Variants in EYS observed in about 807,000 individuals in gnomAD.
EYS encodes the protein protein eyes shut homolog.
In EYS, 250 loss-of-function variants were observed where a neutral mutation model predicts 282.1. That is an observed-to-expected ratio of 0.89 (90% CI 0.80 to 0.98). EYS has a LOEUF of 0.98. EYS is among the 50% of genes least tolerant of loss of function. The pLI is 0.00. For synonymous variants in EYS, 1,355 were observed against 1,282.9 expected, an observed-to-expected ratio of 1.06 and a Z score of -1.20; for missense variants, 4,016 against 3,709.0, an observed-to-expected ratio of 1.08 and a Z score of -2.15.
At chr6:65,016,814 T>C (rs1001353627) in intron 13 of EYS, among the ~76,000 whole-genome samples, 3 of 152,208 alleles carry the variant, frequency 2.0e-5, no homozygotes, top group African/African-American at 7.2e-5. Flanking sequence ...TATATTTTCA[T>C]AAAACTCATT....
At chr6:63,840,887 A>G (rs1044215411) in intron 36 of EYS, among the ~76,000 whole-genome samples, 21 of 152,146 alleles carry the variant, frequency 1.4e-4, no homozygotes, top group Non-Finnish European at 2.9e-5. Flanking sequence ...ATTCTGTTCC[A>G]TTAGTCAATG....
intron 13 of EYS, among the ~76,000 whole-genome samples, chr6:64,999,172 A>C (rs530191799): frequency 6.6e-6 from 1 of 152,378 alleles, no homozygotes; most frequent in African/African-American, 2.4e-5. Context: ...AAGTGCCAGA[A>C]GAGAACCTAG....
chr6:64,443,897 T>A (rs1312988870), intron 26 of EYS, among the ~76,000 whole-genome samples: 3 of 152,170 alleles, frequency 2.0e-5, no homozygotes, highest in Admixed American at 1.3e-4. Flanking sequence ...AATGGACTAA[T>A]AGAGTCATTA....
chr6:65,101,405 T>C (rs2150183435), intron 12 of EYS, among the ~76,000 whole-genome samples: 1 of 151,328 alleles, frequency 6.6e-6, no homozygotes, highest in Admixed American at 6.6e-5. Context: ...AATAAAGTGG[T>C]CCTTCTTCAT....
chr6:64,381,779 C>T (rs77201171), intron 29 of EYS, among the ~76,000 whole-genome samples: 23 of 152,242 alleles, frequency 1.5e-4, no homozygotes, highest in African/African-American at 5.5e-4. Context: ...TTTAGAAAAA[C>T]TATATATGTA....
intron 29 of EYS, among the ~76,000 whole-genome samples, chr6:64,381,095 A>G (rs1772733587): frequency 6.6e-6 from 1 of 152,132 alleles, no homozygotes; most frequent in African/African-American, 2.4e-5. Context: ...ACAAATATAT[A>G]ATGGATATGA....
At chr6:65,508,889 C>G (rs1766760084) in intron 2 of EYS, among the ~76,000 whole-genome samples, 1 of 152,088 alleles carries the variant, frequency 6.6e-6, no homozygotes, top group Admixed American at 6.5e-5. Flanking sequence ...CTGGATCCCA[C>G]AGAATCATTC....
intron 26 of EYS, among the ~76,000 whole-genome samples, chr6:64,513,043 C>T (rs1425598511): frequency 6.6e-6 from 1 of 151,486 alleles, no homozygotes; most frequent in African/African-American, 2.4e-5. Flanking sequence ...AGGATTGACC[C>T]AAGTATCCAA....
chr6:63,969,671 C>T (rs1265933160), intron 35 of EYS, among the ~76,000 whole-genome samples: 4 of 152,128 alleles, frequency 2.6e-5, no homozygotes, highest in African/African-American at 9.7e-5. Flanking sequence ...TTTGCAGTGG[C>T]CAATCCATGT....
At chr6:65,334,751 C>T (rs1228520000) in intron 11 of EYS, among the ~76,000 whole-genome samples, 1 of 151,656 alleles carries the variant, frequency 6.6e-6, no homozygotes, top group Non-Finnish European at 1.5e-5. Flanking sequence ...TATTTCTATA[C>T]AGATATATTC....
intron 16 of EYS, 23 bp downstream of exon 16, chr6:64,912,461 A>G: frequency 6.5e-7 from 1 of 1,545,188 alleles, no homozygotes. Context: ...TTTAAAAACA[A>G]TAAAATCCAT....
chr6:64,525,293 A>G (rs985583606), intron 26 of EYS, among the ~76,000 whole-genome samples: 1 of 151,850 alleles, frequency 6.6e-6, no homozygotes, highest in Non-Finnish European at 1.5e-5. Context: ...TCAATGACAG[A>G]CCGGATAAAG....
intron 12 of EYS, among the ~76,000 whole-genome samples, chr6:65,064,817 T>A (rs1039894767): frequency 1.3e-5 from 2 of 151,984 alleles, no homozygotes; most frequent in African/African-American, 4.8e-5. Context: ...ACGTTATAGA[T>A]CTCTGGAGAT....
At chr6:64,037,988 C>T (rs1770200707) in intron 33 of EYS, among the ~76,000 whole-genome samples, 1 of 152,134 alleles carries the variant, frequency 6.6e-6, no homozygotes, top group Non-Finnish European at 1.5e-5. Context: ...ATTGAATAAA[C>T]ATCCAAAATG....
At chr6:64,439,105 C>A in intron 27 of EYS, 57 bp downstream of exon 27, 2 of 905,356 alleles carry the variant, frequency 2.2e-6, no homozygotes, top group East Asian at 3.1e-5. Flanking sequence ...ACCAATGAAG[C>A]ACATAATTAG....
intron 22 of EYS, among the ~76,000 whole-genome samples, chr6:64,770,413 GACAA>G (rs1429455453): frequency 1.3e-5 from 2 of 151,952 alleles, no homozygotes; most frequent in Non-Finnish European, 2.9e-5. Flanking sequence ...ATTCAGAAAA[GACAA>G]ACAAGCTATT....
chr6:64,866,492 T>C (rs575723413), intron 19 of EYS, among the ~76,000 whole-genome samples: 3 of 152,002 alleles, frequency 2.0e-5, no homozygotes, highest in East Asian at 3.9e-4. Context: ...TTATTATTTA[T>C]TCAACAGCCT....
intron 22 of EYS, among the ~76,000 whole-genome samples, chr6:64,741,944 C>A: frequency 6.6e-6 from 1 of 152,068 alleles, no homozygotes; most frequent in East Asian, 1.9e-4. Flanking sequence ...ACTATTTACA[C>A]GTTCACTGGA....
intron 30 of EYS, among the ~76,000 whole-genome samples, chr6:64,294,893 T>A (rs775886480): frequency 2.2e-4 from 33 of 152,208 alleles, no homozygotes; most frequent in Admixed American, 5.9e-4. Flanking sequence ...AAAAGGGGGG[T>A]ATGCATAATG....
Sources: allele counts gnomAD v4.1 joint callset (sites outside exome capture counted in the v4.1 genomes callset), GRCh38; gene constraint gnomAD v4.1.1; transcripts MANE v1.5; gene names NCBI Gene and HGNC (gene_info 2026-07-23, HGNC 2026-07-21).